The following MLC1 variants were observed in gnomAD, a reference collection of about 807,000 sequenced individuals.
The protein encoded by MLC1 is membrane protein MLC1.
Under a neutral mutation model 44.7 loss-of-function variants are expected in MLC1, and 32 were observed. That is an observed-to-expected ratio of 0.72 (90% CI 0.54 to 0.96). The LOEUF (loss-of-function observed/expected upper bound fraction) is 0.96. MLC1 is among the 40% of genes least tolerant of loss of function. The pLI is 0.00. For synonymous variants in MLC1, 190 were observed against 213.0 expected (o/e 0.89, Z 0.94); for missense variants, 459 against 492.2 (o/e 0.93, Z 0.64).
In MLC1 at chr22:50,062,359, G is replaced by A. The variant is rs548726988; in HGVS notation, c.1060-702C>T. On this transcript the variant is annotated intron_variant, in intron 11 of 11. Transcript: ENST00000311597. ...CTGAGCCCCTGGGACCAGCAGTTCT[G>A]GGATCTGGGGAGAACACCTCATGCG... Among the ~76,000 whole-genome samples the A allele has an allele frequency of 9.2e-5, 14 of 151,958 alleles. 1 individual carries two copies. The South Asian group carries it at 2.9e-3, about 32-fold the overall frequency.
At position 50,059,673 on chromosome 22, in the gene MLC1, G is replaced by A. The variant is rs1214914104; in HGVS notation, c.*1910C>T. ...CCGCCAGCCTCAAAGCTGCAGGGAG[G>A]TGGGGGTGGCCTGCAGACAGGGTGG... On this transcript the variant is annotated 3_prime_UTR_variant, in exon 12 of 12. Coordinates refer to ENST00000311597, the MANE Select transcript of MLC1 (RefSeq NM_015166.4). 6.6e-6 allele frequency: 1 copy of A among 152,362 alleles called. No individual in the cohort carries two copies. Among genetic ancestry groups the A allele is most frequent in the African/African-American group, 2.4e-5 (1 of 41,438 alleles). 9.4% of individuals were successfully genotyped at this position (152,362 alleles called of 1,614,324 possible). A position where few individuals can be genotyped will look rare whatever the true frequency, so the allele number is the denominator to read the frequency against.
At chr22:50,077,289 G>A (rs2062007467) in intron 6 of MLC1, 112 bp downstream of exon 6, 2 of 952,414 alleles carry the variant, frequency 2.1e-6, no homozygotes, top group Admixed American at 2.0e-5. Context: ...TCATGGGAAT[G>A]CCCTGGAGCA....
chr22:50,077,476 G>A lies in MLC1; in HGVS notation c.450C>T (p.Leu150=), dbSNP rs1421262767. ...ININFNLILL[L]LLELLMAATV... Reference sequence around the variant, plus strand: ...TGGCCGCCATGAGCAGCTCCAGCAGGAGCAGCAGGATGAGGTTGAAGTTGA... The same window carrying A: ...TGGCCGCCATGAGCAGCTCCAGCAGAAGCAGCAGGATGAGGTTGAAGTTGA... The change falls in exon 6 of 12, where the codon CTC becomes CTT. Residue 150 remains leucine, a synonymous_variant. Coordinates refer to ENST00000311597, the MANE Select transcript of MLC1 (RefSeq NM_015166.4). The A allele has an allele frequency of 2.5e-6, 4 of 1,613,778 alleles. No individual in the cohort carries two copies. Among genetic ancestry groups the A allele is most frequent in the Non-Finnish European group, 2.5e-6 (3 of 1,180,010 alleles).
At position 50,074,339 on chromosome 22, in the gene MLC1, G is replaced by A. The variant is rs746348743; in HGVS notation, c.598-7C>T. 2 of 1,610,180 alleles carry A rather than the reference G, an allele frequency of 1.2e-6. No homozygotes were observed. Among genetic ancestry groups the A allele is most frequent in the East Asian group, 2.2e-5 (1 of 44,864 alleles). ...CTGCGATTACCTCGACGACCTGGAG[G>A]GGACAGGACAGCATCGGCTCATAAG... is the stretch of plus-strand genomic sequence containing the variant. On this transcript the variant is annotated splice_polypyrimidine_tract_variant and splice_region_variant and intron_variant, in intron 7 of 11. Coordinates refer to ENST00000311597, the MANE Select transcript of MLC1 (RefSeq NM_015166.4).
chr22:50,064,478 G>A (rs1816496647), intron 10 of MLC1, among the ~76,000 whole-genome samples: 1 of 152,266 alleles, frequency 6.6e-6, no homozygotes, highest in African/African-American at 2.4e-5. Flanking sequence ...CTGGCTGCTA[G>A]TGGTCAAGTC....
intron 8 of MLC1, 38 bp from the exon 9 acceptor site, chr22:50,070,621 A>C: frequency 6.5e-7 from 1 of 1,536,514 alleles, no homozygotes; most frequent in Non-Finnish European, 8.8e-7. Flanking sequence ...TAGAGGAAAT[A>C]GTCGAAGAAG....
chr22:50,076,495 C>T (rs901835148), intron 7 of MLC1, among the ~76,000 whole-genome samples: 2 of 151,066 alleles, frequency 1.3e-5, no homozygotes, highest in African/African-American at 4.9e-5. Context: ...GCAGAGGTGG[C>T]GGTGAGCTGA....
chr22:50,078,242 C>T (rs962259949), intron 5 of MLC1, among the ~76,000 whole-genome samples: 5 of 151,824 alleles, frequency 3.3e-5, no homozygotes, highest in South Asian at 2.1e-4. Context: ...CCGCCCACCT[C>T]GGCCTCCCAA....
chr22:50,064,333 A>G (rs2061658234), intron 10 of MLC1, 135 bp from the exon 11 acceptor site: 3 of 1,015,712 alleles, frequency 3.0e-6, no homozygotes, highest in Admixed American at 2.0e-5. Context: ...ACCCAAACGC[A>G]TTGCTATTTC....
chr22:50,071,335 GC>G (rs1210118291), intron 8 of MLC1, among the ~76,000 whole-genome samples: 3 of 151,992 alleles, frequency 2.0e-5, no homozygotes, highest in African/African-American at 7.3e-5. Flanking sequence ...CAGGTGATCC[GC>G]CCGCCTCGGC....
At chr22:50,062,488 TG>T (rs2061592826) in intron 11 of MLC1, among the ~76,000 whole-genome samples, 1 of 151,884 alleles carries the variant, frequency 6.6e-6, no homozygotes. Context: ...CCAGGAAAAA[TG>T]GCAGCAAAGC....
At chr22:50,078,175 A>G (rs893827612) in intron 5 of MLC1, among the ~76,000 whole-genome samples, 7 of 151,878 alleles carry the variant, frequency 4.6e-5, no homozygotes, top group Admixed American at 3.3e-4. Context: ...TATTTTTAGT[A>G]GAGAGGGGTT....
At chr22:50,066,769 C>T (rs906606407) in intron 10 of MLC1, among the ~76,000 whole-genome samples, 1 of 152,056 alleles carries the variant, frequency 6.6e-6, no homozygotes, top group African/African-American at 2.4e-5. Context: ...GCAGGTCAGT[C>T]AGGCATGAGA....
At chr22:50,067,235 AG>A (rs1473378320) in intron 10 of MLC1, among the ~76,000 whole-genome samples, 1 of 152,086 alleles carries the variant, frequency 6.6e-6, no homozygotes, top group African/African-American at 2.4e-5. Context: ...CTGTAATCCC[AG>A]CACCTGTGGG....
At chr22:50,081,714 G>C (rs1182453506) in intron 3 of MLC1, among the ~76,000 whole-genome samples, 1 of 152,252 alleles carries the variant, frequency 6.6e-6, no homozygotes, top group Admixed American at 6.5e-5. Flanking sequence ...GCAGAGCTAG[G>C]GCCAGGACAG....
intron 8 of MLC1, among the ~76,000 whole-genome samples, chr22:50,071,874 G>T (rs1016304208): frequency 6.6e-6 from 1 of 152,246 alleles, no homozygotes; most frequent in African/African-American, 2.4e-5. Context: ...GGCCTGCTGG[G>T]GAGGGGGCTG....
At chr22:50,079,140 C>T (rs752071406) in intron 5 of MLC1, among the ~76,000 whole-genome samples, 21 of 151,602 alleles carry the variant, frequency 1.4e-4, no homozygotes, top group Non-Finnish European at 2.7e-4. Flanking sequence ...AAAAATTAGC[C>T]GAGTGTGGTG....
intron 8 of MLC1, among the ~76,000 whole-genome samples, 163 bp from the exon 9 acceptor site, chr22:50,070,746 G>A (rs1302224027): frequency 6.6e-6 from 1 of 152,364 alleles, no homozygotes; most frequent in East Asian, 1.9e-4. Flanking sequence ...GCTGGGGCAG[G>A]GACGGGTCCG....
In MLC1 at chr22:50,061,590, G is replaced by GC; in HGVS notation, c.1126dup (p.Ala376GlyfsTer26). On this transcript the variant is annotated frameshift_variant, in exon 12 of 12. Coordinates refer to ENST00000311597, the MANE Select transcript of MLC1 (RefSeq NM_015166.4). LOFTEE classifies it high-confidence loss of function. ...GGTTTCCGCGTCTGGGGGTCACTGG[G>GC]CCATTTGCACCACGACGGCTCTCCA... 1 of 1,613,750 alleles carries GC rather than the reference G, an allele frequency of 6.2e-7. No homozygotes were observed. The highest frequency in any genetic ancestry group is 1.7e-4 in the Middle Eastern group (1 of 6,048).
Sources: gnomAD v4.1 joint callset for allele counts (sites outside exome capture counted in the v4.1 genomes callset) on GRCh38, gnomAD v4.1.1 for gene constraint, MANE v1.5 for transcripts, NCBI Gene and HGNC (gene_info 2026-07-23, HGNC 2026-07-21) for gene names.